Variants in LILRB5 observed in about 807,000 individuals in gnomAD.
LILRB5 encodes leukocyte immunoglobulin like receptor B5.
Under a neutral mutation model 68.4 loss-of-function variants are expected in LILRB5, and 61 were observed. The observed-to-expected ratio is 0.89, with a 90% CI of 0.73 to 1.10. The LOEUF is 1.10. Among genes scored for constraint, LILRB5 ranks in the 50% least tolerant of loss-of-function variants. The pLI is 0.00. For missense variants in LILRB5, 771 were observed against 751.6 expected, an observed-to-expected ratio of 1.03 and a Z score of -0.30; for synonymous variants, 356 against 315.8, an observed-to-expected ratio of 1.13 and a Z score of -1.35.
intron 3 of LILRB5, 32 bp from the exon 4 acceptor site, chr19:54,256,374 G>A (rs150510116): frequency 1.4e-4 from 221 of 1,587,980 alleles, no homozygotes; most frequent in Admixed American, 4.0e-4. Context: ...CTTAAGTGGG[G>A]CTCCGACCTC....
At position 54,249,784 on chromosome 19, in the gene LILRB5, G is replaced by C. The variant is rs2078889900; in HGVS notation, c.*1002C>G. The C allele has an allele frequency of 6.6e-6, 1 of 152,300 alleles. No homozygotes were observed. The highest frequency in any genetic ancestry group is 2.4e-5 in the African/African-American group (1 of 41,458). 9.4% of individuals were successfully genotyped at this position (152,300 alleles called of 1,614,324 possible). A position where few individuals can be genotyped will look rare whatever the true frequency, so the allele number is the denominator to read the frequency against. On this transcript the variant is annotated 3_prime_UTR_variant, in exon 13 of 13. Transcript: ENST00000449561. ...GTGGTGGCTCACGCCTGTAAGCCCAGCACTTTGGGAGGCTGAGGCGGGCGG... is the reference window on the plus strand; with the variant it reads ...GTGGTGGCTCACGCCTGTAAGCCCACCACTTTGGGAGGCTGAGGCGGGCGG...
rs433291 is a variant in LILRB5, at chr19:54,250,888, C to A, written c.1674G>T (p.Leu558=). ...CCTCCCGTCTGAGGGTCAAGCTGTG[C>A]AGCTGGGCGTAGGTCACATCCTGGG... The part of the protein sequence containing the change: ...EAPQDVTYAQ[L]HSLTLRREAT... Residue 558 remains leucine, a synonymous_variant, in exon 13 of 13, where the codon CTG becomes CTT. Coordinates refer to ENST00000449561, the MANE Select transcript of LILRB5 (RefSeq NM_001081442.3). 1 of 1,608,404 alleles carries A rather than the reference C, an allele frequency of 6.2e-7. No homozygotes were observed. Among genetic ancestry groups the A allele is most frequent in the Non-Finnish European group, 8.5e-7 (1 of 1,178,390 alleles).
chr19:54,254,318 G>A (rs768523068), intron 7 of LILRB5, 47 bp downstream of exon 7: 7 of 1,540,206 alleles, frequency 4.5e-6, no homozygotes, highest in Admixed American at 2.0e-5. Context: ...AGGGCTGCCT[G>A]GGGGGAGACC....
In LILRB5 at chr19:54,255,479, GA is replaced by G; in HGVS notation, c.758del (p.Phe253SerfsTer33). ...CATGTTCCCCCTCCTTGTACAGAAC[GA>G]ATATGTCATAGCCGACATCAGAGCG... ...QCRSDVGYDIFVLYKEGEHDL... is the reference protein window; with the variant it reads ...QCRSDVGYDIXVLYKEGEHDL... On this transcript the variant is annotated frameshift_variant, in exon 5 of 13. Coordinates refer to ENST00000449561, the MANE Select transcript of LILRB5 (RefSeq NM_001081442.3). LOFTEE classifies it high-confidence loss of function. 1 of 1,613,762 alleles carries G rather than the reference GA, an allele frequency of 6.2e-7. No homozygotes were observed. The highest frequency in any genetic ancestry group is 8.5e-7 in the Non-Finnish European group (1 of 1,179,648).
chr19:54,251,288 G>A (rs1454729289), intron 12 of LILRB5: 15 of 876,072 alleles, frequency 1.7e-5, no homozygotes, highest in Non-Finnish European at 2.1e-5. Flanking sequence ...TCTCAGGGAC[G>A]CCCTAAGGCC....
chr19:54,254,395 G>A lies in LILRB5; in HGVS notation c.1276C>T (p.Leu426Phe). The change falls in exon 7 of 13, where the codon CTC becomes TTC. Residue 426 changes from leucine (L) to phenylalanine (F), a missense_variant. Leu to Phe is a conservative substitution (Grantham distance 22, BLOSUM62 0). Transcript: ENST00000449561. ...VVSGPSGDPS[L>F]SPTGSTPTPA... The stretch of plus-strand genomic sequence containing the variant: ...GTGGGGGTGGAGCCTGTAGGTGAGA[G>A]GCTGGGATCCCCAGAGGGTCCTGGG... The A allele has an allele frequency of 1.9e-6, 3 of 1,586,398 alleles. No homozygotes were observed. The highest frequency in any genetic ancestry group is 1.7e-6 in the Non-Finnish European group (2 of 1,166,350).
At chr19:54,252,246 G>C in intron 11 of LILRB5, 120 bp downstream of exon 11, 1 of 1,451,618 alleles carries the variant, frequency 6.9e-7, no homozygotes, top group South Asian at 1.2e-5. Flanking sequence ...CACAGTGTGG[G>C]TTCAGACCGC....
chr19:54,252,183 T>C lies in LILRB5; in HGVS notation c.1577-77A>G, dbSNP rs146328165. On this transcript the variant is annotated intron_variant, in intron 11 of 12. Coordinates refer to ENST00000449561, the MANE Select transcript of LILRB5 (RefSeq NM_001081442.3). ...CTCCGTCCTGCCAGCCCTTGCCCTG[T>C]TCCCACTAGGGTGGCTGAGATCCAG... 9.6e-4 allele frequency: 1,484 copies of C among 1,549,046 alleles called. 11 individuals are homozygous for C. In the African/African-American group the frequency reaches 0.017, roughly 18 times the overall value.
At chr19:54,255,199 G>A (rs1246994671) in intron 5 of LILRB5, 87 bp downstream of exon 5, 26 of 1,130,968 alleles carry the variant, frequency 2.3e-5, no homozygotes, top group Middle Eastern at 3.9e-4. Context: ...CCACCCCCCC[G>A]CCTCATCCCG....
At position 54,255,312 on chromosome 19, in the gene LILRB5, C is replaced by T; in HGVS notation, c.926G>A (p.Ser309Asn). 6.2e-7 allele frequency: 1 copy of T among 1,613,564 alleles called. No individual in the cohort carries two copies. The highest frequency in any genetic ancestry group is 8.5e-7 in the Non-Finnish European group (1 of 1,179,878). Residue 309 changes from serine (S) to asparagine (N), a missense_variant, in exon 5 of 13, where the codon AGC (serine) becomes AAC (asparagine). Ser to Asn is a conservative substitution (Grantham distance 46). Transcript: ENST00000449561. ...HNLSPRWSAPSDPLDILIAGL... is the reference protein window; with the variant it reads ...HNLSPRWSAPNDPLDILIAGL... Reference sequence around the variant, plus strand: ...TGCGATCAGGATGTCCAGGGGGTCGCTGGGGGCCGACCACCTAGGGGAGAG... The same window carrying T: ...TGCGATCAGGATGTCCAGGGGGTCGTTGGGGGCCGACCACCTAGGGGAGAG...
intron 3 of LILRB5, 38 bp downstream of exon 3, chr19:54,256,451 G>A (rs766881395): frequency 6.2e-7 from 1 of 1,609,770 alleles, no homozygotes; most frequent in Non-Finnish European, 8.5e-7. Flanking sequence ...CTTCCTGAGG[G>A]CAGAGCCTGG....
Position 54,256,333 on chromosome 19 carries a change from G to T in LILRB5, c.365C>A (p.Ala122Glu), listed in dbSNP as rs750729967. 1 of 1,605,966 alleles carries T rather than the reference G, an allele frequency of 6.2e-7. No homozygotes were observed. The highest frequency in any genetic ancestry group is 8.5e-7 in the Non-Finnish European group (1 of 1,175,946). The change falls in exon 4 of 13, where the codon GCA becomes GAA. Residue 122 changes from alanine to glutamate, a missense_variant. Coordinates refer to ENST00000449561, the MANE Select transcript of LILRB5 (RefSeq NM_001081442.3). ...CGGCAGGGCTAAAAGAGTGGGTTCT[G>T]CATAGAATCCTAGCAGAGAAGGAGG... ...PLELVATGFYAEPTLLALPSP... is the reference protein window; with the variant it reads ...PLELVATGFYEEPTLLALPSP...
chr19:54,253,944 C>G lies in LILRB5; in HGVS notation c.1357+74G>C. 3 of 1,552,486 alleles carry G rather than the reference C, an allele frequency of 1.9e-6. No homozygotes were observed. In the South Asian group the frequency reaches 3.6e-5, roughly 18 times the overall value. ...GTGCACTTCACCATCTCCAGAGGAGCCTGAACCTACGACAGAACCCACCCC... is the reference window on the plus strand; with the variant it reads ...GTGCACTTCACCATCTCCAGAGGAGGCTGAACCTACGACAGAACCCACCCC... On this transcript the variant is annotated intron_variant, in intron 8 of 12. Transcript: ENST00000449561.
chr19:54,251,703 C>A (rs2078958321), intron 12 of LILRB5: 1 of 645,548 alleles, frequency 1.5e-6, no homozygotes, highest in Non-Finnish European at 2.9e-6. Flanking sequence ...CATGGGGAGC[C>A]CCATCCACAG....
rs1201873753 is a variant in LILRB5, at chr19:54,249,720, A to G, written c.*1066T>C. On this transcript the variant is annotated 3_prime_UTR_variant, in exon 13 of 13. Transcript: ENST00000449561. ...GATGAGGAGAGACTAACTAAGGACT[A>G]GGGCGCATCCCTTTAAAATTGAAAT... The G allele has an allele frequency of 1.3e-5, 2 of 152,252 alleles. No individual in the cohort carries two copies. Among genetic ancestry groups the G allele is most frequent in the African/African-American group, 4.8e-5 (2 of 41,466 alleles). 9.4% of individuals were successfully genotyped at this position (152,252 alleles called of 1,614,324 possible).
intron 8 of LILRB5, chr19:54,253,523 G>A (rs1204722589): frequency 2.6e-5 from 8 of 303,178 alleles, no homozygotes; most frequent in African/African-American, 1.1e-4. Context: ...GCAGGAGGAC[G>A]GTGCCCCTGC....
intron 12 of LILRB5, 127 bp from the exon 13 acceptor site, chr19:54,251,059 C>T: frequency 6.3e-7 from 1 of 1,590,836 alleles, no homozygotes; most frequent in Non-Finnish European, 8.6e-7. Context: ...CCTTTGTGTC[C>T]AGGAATTCCC....
Position 54,250,831 on chromosome 19 carries a change from T to G in LILRB5, c.1731A>C (p.Glu577Asp), listed in dbSNP as rs980198393. The change falls in exon 13 of 13, where the codon GAA (glutamate) becomes GAC (aspartate). Residue 577 changes from glutamate to aspartate, a missense_variant. Transcript: ENST00000449561. The part of the protein sequence containing the change: ...ATEPPPSQER[E>D]PPAEPSIYAP... Reference sequence around the variant, plus strand: ...CGTAGATGCTGGGTTCAGCTGGAGGTTCCCTTTCCTGGGATGGAGGAGGCT... The same window carrying G: ...CGTAGATGCTGGGTTCAGCTGGAGGGTCCCTTTCCTGGGATGGAGGAGGCT... 2 of 1,613,826 alleles carry G rather than the reference T, an allele frequency of 1.2e-6. No individual in the cohort carries two copies. The highest frequency in any genetic ancestry group is 1.7e-6 in the Non-Finnish European group (2 of 1,179,962).
rs147630506 is a variant in LILRB5 at position 54,252,385 on chromosome 19, G to A, written c.1557C>T (p.Asp519=). 942 of 1,614,012 alleles carry A rather than the reference G, an allele frequency of 5.8e-4. 9 individuals are homozygous for A. The highest frequency in any genetic ancestry group is 1.1e-3 in the Admixed American group (64 of 60,002). The change falls in exon 11 of 13, where the codon GAC becomes GAT. Residue 519 remains aspartate (D), a synonymous_variant. Transcript: ENST00000449561. ...ACTCACTGAGAATTTCCTCCTGGAT[G>A]TCAGCAACTGGGCTGGCCCTGGGGG... ...GLQKRASPVA[D]IQEEILNAAV...
Sources: allele counts gnomAD v4.1 joint callset, GRCh38; gene constraint gnomAD v4.1.1; transcripts MANE v1.5; gene names NCBI Gene and HGNC (gene_info 2026-07-23, HGNC 2026-07-21).